DNAH10: variants seen among roughly 807,000 people sequenced by gnomAD.
DNAH10 encodes the protein dynein axonemal heavy chain 10.
In DNAH10, 348 loss-of-function variants were observed where a neutral mutation model predicts 506.6. The ratio of observed to expected loss-of-function variants is 0.69; its 90% CI spans 0.63 to 0.75. DNAH10 has a LOEUF of 0.75. Ranked by LOEUF, DNAH10 falls within the 30% of genes least tolerant of loss-of-function variation. The pLI, the probability that DNAH10 is intolerant of heterozygous loss-of-function variation, is 0.00. For missense variants in DNAH10, 5,179 were observed against 5,787.1 expected (o/e 0.89, Z 3.41); for synonymous variants, 2,059 against 2,198.6 (o/e 0.94, Z 1.78).
chr12:123,791,130 C>A (rs1353979912), intron 11 of DNAH10, among the ~76,000 whole-genome samples: 4 of 149,754 alleles, frequency 2.7e-5, no homozygotes, highest in African/African-American at 9.9e-5. Flanking sequence ...GACTCTGTCT[C>A]AAAAAAAACC....
At chr12:123,906,821 C>T (rs1332235539) in intron 57 of DNAH10, among the ~76,000 whole-genome samples, 1 of 152,088 alleles carries the variant, frequency 6.6e-6, no homozygotes, top group African/African-American at 2.4e-5. Flanking sequence ...TCTTTTAAGT[C>T]CTTAAAAAGC....
rs765930902 is a variant in DNAH10 at position 123,804,918 on chromosome 12, A to G, written c.2865A>G (p.Pro955=). ...HMVRWYLAIG[P]LLTKVEGLVV... Reference sequence around the variant, plus strand: ...TCCGGTGGTATCTTGCCATTGGACCACTGCTGACCAAAGTTGAGGGCCTGG... The same window carrying G: ...TCCGGTGGTATCTTGCCATTGGACCGCTGCTGACCAAAGTTGAGGGCCTGG... Residue 955 remains proline (P), a synonymous_variant, in exon 18 of 79, where the codon CCA becomes CCG. Coordinates refer to ENST00000673944, the MANE Select transcript of DNAH10 (RefSeq NM_001372106.1). 9.9e-6 allele frequency: 16 copies of G among 1,613,978 alleles called. No homozygotes were observed. The highest frequency in any genetic ancestry group is 1.4e-5 in the Non-Finnish European group (16 of 1,180,056).
chr12:123,804,649 G>A (rs1027828035), intron 17 of DNAH10, among the ~76,000 whole-genome samples, 184 bp from the exon 18 acceptor site: 4 of 152,118 alleles, frequency 2.6e-5, no homozygotes, highest in Non-Finnish European at 4.4e-5. Flanking sequence ...CTAGATGTGC[G>A]TAACTGGTTG....
Position 123,762,812 on chromosome 12 carries a change from G to T in DNAH10, c.214+262G>T, listed in dbSNP as rs1020793703. Among the ~76,000 whole-genome samples, 4 of 152,220 alleles carry T rather than the reference G, an allele frequency of 2.6e-5. No homozygotes were observed. The highest frequency in any genetic ancestry group is 9.6e-5 in the African/African-American group (4 of 41,466). On this transcript the variant is annotated intron_variant, in intron 1 of 78. Transcript: ENST00000673944. This position sits in a 1 kb window ranked among gnomAD's most constrained non-coding sequence, Gnocchi z 5.0. Reference sequence around the variant, plus strand: ...CAAACACTGACTTAGCCCGCACCCCGTGCCAGGTGCGGTTCCAACGCTTGT... The same window carrying T: ...CAAACACTGACTTAGCCCGCACCCCTTGCCAGGTGCGGTTCCAACGCTTGT...
In DNAH10 at chr12:123,926,823, A is replaced by C. The variant is rs542898727; in HGVS notation, c.12105+3A>C. On this transcript the variant is annotated splice_donor_region_variant and intron_variant, in intron 69 of 78. Transcript: ENST00000673944. The surrounding 1 kb of genome is among the most constrained non-coding windows in gnomAD (Gnocchi z 4.1). The stretch of plus-strand genomic sequence containing the variant: ...CAATGGGTCAAGGTCAAGAAAAGGT[A>C]ATTTGTGGCTGAAAGGAACAAGCTC... The C allele has an allele frequency of 4.3e-6, 7 of 1,613,670 alleles. No homozygotes were observed. In the South Asian group the frequency reaches 7.7e-5, roughly 18 times the overall value.
chr12:123,906,590 A>G (rs1187945958), intron 57 of DNAH10, among the ~76,000 whole-genome samples: 2 of 152,202 alleles, frequency 1.3e-5, no homozygotes, highest in African/African-American at 2.4e-5. Flanking sequence ...GCCTGATCAC[A>G]CTGCAAGATT....
intron 1 of DNAH10, among the ~76,000 whole-genome samples, chr12:123,767,389 T>C (rs969299636): frequency 6.6e-6 from 1 of 152,238 alleles, no homozygotes; most frequent in Admixed American, 6.5e-5. Flanking sequence ...ATCATTTCTG[T>C]ATCCTTCGTC....
intron 10 of DNAH10, among the ~76,000 whole-genome samples, chr12:123,789,044 T>C (rs1957977404): frequency 6.6e-6 from 1 of 151,794 alleles, no homozygotes; most frequent in Non-Finnish European, 1.5e-5. Flanking sequence ...GGTCAGGAGT[T>C]CAAGACTAGA....
At position 123,897,981 on chromosome 12, in the gene DNAH10, ATGGGGTGGT is replaced by A. The variant is rs780598150; in HGVS notation, c.9478+17_9478+25del. ...AGTGTAATATAGGTAAGCCTTGGGG[ATGGGGTGGT>A]TGACAAAAGTCATTATTATTTATGG... On this transcript the variant is annotated intron_variant, in intron 55 of 78. Coordinates refer to ENST00000673944, the MANE Select transcript of DNAH10 (RefSeq NM_001372106.1). 3.9e-6 allele frequency: 6 copies of A among 1,541,302 alleles called. No homozygotes were observed. The highest frequency in any genetic ancestry group is 1.7e-4 in the Middle Eastern group (1 of 5,774).
At position 123,774,129 on chromosome 12, in the gene DNAH10, C is replaced by G; in HGVS notation, c.506-20C>G. On this transcript the variant is annotated intron_variant, in intron 4 of 78. Coordinates refer to ENST00000673944, the MANE Select transcript of DNAH10 (RefSeq NM_001372106.1). ...TGCTCTCTCCCACTGACCTTACATT[C>G]TACACCTGTTCTTCTTTAGAGGCAA... 1 of 1,549,826 alleles carries G rather than the reference C, an allele frequency of 6.5e-7. No homozygotes were observed. The highest frequency in any genetic ancestry group is 1.7e-4 in the Middle Eastern group (1 of 5,832).
At chr12:123,843,908 A>T (rs1407478275) in intron 30 of DNAH10, among the ~76,000 whole-genome samples, 1 of 152,190 alleles carries the variant, frequency 6.6e-6, no homozygotes, top group African/African-American at 2.4e-5. Flanking sequence ...TTTGCCATTA[A>T]CTGTAGGTCA....
intron 21 of DNAH10, among the ~76,000 whole-genome samples, chr12:123,814,674 G>A (rs942396311): frequency 6.7e-6 from 1 of 149,616 alleles, no homozygotes; most frequent in Non-Finnish European, 1.5e-5. Context: ...GAGTGCAGTG[G>A]CATGATCTCG....
rs77264359 is a variant in DNAH10, at chr12:123,799,615, G to A, written c.2289+244G>A. On this transcript the variant is annotated intron_variant, in intron 14 of 78. Transcript: ENST00000673944. ...GCAAGTGGCTGAATACCAAGCCTCC[G>A]TTTCCCCATTTATGAAATGCGTTTT... Among the ~76,000 whole-genome samples the A allele has an allele frequency of 4.6e-5, 7 of 152,144 alleles. No individual in the cohort carries two copies. In the East Asian group the frequency reaches 1.4e-3, roughly 29 times the overall value.
chr12:123,920,326 G>T (rs1162253448), intron 65 of DNAH10, among the ~76,000 whole-genome samples: 3 of 152,246 alleles, frequency 2.0e-5, no homozygotes, highest in Non-Finnish European at 2.9e-5. Flanking sequence ...CAGATAGTAA[G>T]TGTTTTAGGC....
intron 5 of DNAH10, among the ~76,000 whole-genome samples, chr12:123,776,078 C>T (rs1957427287): frequency 6.6e-6 from 1 of 152,162 alleles, no homozygotes; most frequent in Admixed American, 6.5e-5. Context: ...TAACCTCCCC[C>T]ATCATTCAAT....
chr12:123,878,023 C>G, intron 48 of DNAH10, 115 bp downstream of exon 48: 1 of 1,316,272 alleles, frequency 7.6e-7, no homozygotes, highest in Non-Finnish European at 1.0e-6. Context: ...ATTAATTACC[C>G]AATGTCTTTG....
At position 123,866,229 on chromosome 12, in the gene DNAH10, C is replaced by CTTTTTTTTTTTTTTTTT. The variant is rs71088963; in HGVS notation, c.7167+171_7167+187dup. On this transcript the variant is annotated intron_variant, in intron 41 of 78. Transcript: ENST00000673944. ...AATAAGTGAAAACATGGCAGACACACTTTTTTTTTTTTTTTTTTTTTTTTT... is the reference window on the plus strand; with the variant it reads ...AATAAGTGAAAACATGGCAGACACACTTTTTTTTTTTTTTTTTTTTTTTTTTTTTTTTTTTTTTTTTT... Among the ~76,000 whole-genome samples, 5 of 58,208 alleles carry CTTTTTTTTTTTTTTTTT rather than the reference C, an allele frequency of 8.6e-5. 2 individuals are homozygous for CTTTTTTTTTTTTTTTTT. The highest frequency in any genetic ancestry group is 1.5e-4 in the African/African-American group (2 of 13,412). 38.2% of individuals were successfully genotyped at this position (58,208 alleles called of 152,430 possible).
rs572992920 is a variant in DNAH10 at position 123,916,029 on chromosome 12, C to T, written c.10723-428C>T. ...TGTTAGAGGAAGCCCATTTGTACTC[C>T]AAGGTCAGGGGAACAGTCTGCCTCC... On this transcript the variant is annotated intron_variant, in intron 62 of 78. Transcript: ENST00000673944. This position sits in a 1 kb window ranked among gnomAD's most constrained non-coding sequence, Gnocchi z 4.6. 2.8e-4 allele frequency among the ~76,000 whole-genome samples: 43 copies of T among 152,282 alleles called. No individual in the cohort carries two copies. The highest frequency in any genetic ancestry group is 3.4e-3 in the Middle Eastern group (1 of 294).
chr12:123,837,790 C>CAA (rs1172507586), intron 28 of DNAH10, among the ~76,000 whole-genome samples: 1 of 145,878 alleles, frequency 6.9e-6, no homozygotes. Context: ...GAGATGGAGT[C>CAA]TTGTTCTGTT....
Sources: allele counts gnomAD v4.1 joint callset (sites outside exome capture counted in the v4.1 genomes callset), GRCh38; gene constraint gnomAD v4.1.1; non-coding constraint Gnocchi (gnomAD v3.1); transcripts MANE v1.5; gene names NCBI Gene and HGNC (gene_info 2026-07-23, HGNC 2026-07-21).